The following SUMF2 variants were observed in gnomAD, a reference collection of about 807,000 sequenced individuals.
SUMF2 encodes the protein inactive C-alpha-formylglycine-generating enzyme 2.
In SUMF2, 45 loss-of-function variants were observed where a neutral mutation model predicts 44.8. The ratio of observed to expected loss-of-function variants is 1.00; its 90% CI spans 0.79 to 1.29. The LOEUF is 1.29. Among genes scored for constraint, SUMF2 ranks in the 50% most tolerant of loss-of-function variants. The pLI is 0.00. For missense variants in SUMF2, 418 were observed against 389.9 expected (o/e 1.07, Z -0.61); for synonymous variants, 148 against 150.4 (o/e 0.98, Z 0.12).
intron 3 of SUMF2, 123 bp downstream of exon 3, chr7:56,073,234 A>G (rs1172726256): frequency 1.3e-6 from 1 of 770,602 alleles, no homozygotes; most frequent in Non-Finnish European, 2.3e-6. Flanking sequence ...GCAGAGGGGA[A>G]GCAAGAGAAA....
intron 1 of SUMF2, among the ~76,000 whole-genome samples, chr7:56,066,149 A>C (rs1179345127): frequency 1.3e-5 from 2 of 151,714 alleles, no homozygotes; most frequent in Non-Finnish European, 2.9e-5. Flanking sequence ...CTGAAAATGG[A>C]TGAAATCACT....
chr7:56,066,669 G>A (rs188925625), intron 1 of SUMF2, among the ~76,000 whole-genome samples: 67 of 152,330 alleles, frequency 4.4e-4, no homozygotes, highest in Non-Finnish European at 7.5e-4. Flanking sequence ...CGCCCAGGCC[G>A]GAGTGCAGTG....
intron 2 of SUMF2, among the ~76,000 whole-genome samples, chr7:56,070,226 G>A (rs1795070273): frequency 6.6e-6 from 1 of 151,940 alleles, no homozygotes; most frequent in Non-Finnish European, 1.5e-5. Flanking sequence ...CATTTTAAAA[G>A]CCCAATTTTT....
At chr7:56,082,122 C>G (rs998756099), downstream of SUMF2, 2 of 1,611,648 alleles carry the variant, frequency 1.2e-6, no homozygotes, top group African/African-American at 2.7e-5. Flanking sequence ...TCCTCCCTTG[C>G]CCAGCCTAGC....
At chr7:56,074,831 C>T (rs1795433793) in intron 5 of SUMF2, 95 bp downstream of exon 5, 3 of 1,485,912 alleles carry the variant, frequency 2.0e-6, no homozygotes, top group East Asian at 2.3e-5. Flanking sequence ...GGCGCAGTGG[C>T]TTATGCCTGT....
downstream of SUMF2, chr7:56,083,161 G>T: frequency 3.3e-6 from 3 of 897,156 alleles, no homozygotes; most frequent in Non-Finnish European, 3.4e-6. Flanking sequence ...TTGAAATGGT[G>T]GAATTTTTAT....
At position 56,064,327 on chromosome 7, in the gene SUMF2, TTAC is replaced by T; in HGVS notation, c.17_19del (p.Leu6_Pro7delinsSer). On this transcript the variant is annotated inframe_deletion, in exon 1 of 9. Transcript: ENST00000434526. ...GGCAGTCCTGATGGCCCGGCATGGG[TTAC>T]CGCTGCTGCCCCTGCTGTCGCTCCT... 1 of 1,598,514 alleles carries T rather than the reference TTAC, an allele frequency of 6.3e-7. No individual in the cohort carries two copies. Among genetic ancestry groups the T allele is most frequent in the Non-Finnish European group, 8.5e-7 (1 of 1,173,032 alleles).
intron 6 of SUMF2, among the ~76,000 whole-genome samples, chr7:56,077,322 T>C (rs1795629851): frequency 6.7e-6 from 1 of 148,742 alleles, no homozygotes; most frequent in Non-Finnish European, 1.5e-5. Context: ...GTGCTGGGAT[T>C]ACAGGCATGA....
chr7:56,079,219 T>C, intron 8 of SUMF2: 1 of 529,626 alleles, frequency 1.9e-6, no homozygotes, highest in East Asian at 2.9e-5. Flanking sequence ...ACTGAGCTGT[T>C]GTCAACTGCT....
downstream of SUMF2, chr7:56,084,068 A>AT: frequency 1.3e-6 from 1 of 767,126 alleles, no homozygotes; most frequent in South Asian, 1.6e-5. Flanking sequence ...CCAGGTTCCC[A>AT]TTACCCTAGT....
At chr7:56,086,378 T>C in the SUMF2 span, among the ~76,000 whole-genome samples, 3 of 151,972 alleles carry the variant, frequency 2.0e-5, no homozygotes, top group Non-Finnish European at 4.4e-5. Context: ...AGAACAATTA[T>C]ATCACTATAC....
At chr7:56,083,616 G>C, downstream of SUMF2, 1 of 1,556,996 alleles carries the variant, frequency 6.4e-7, no homozygotes, top group Non-Finnish European at 8.8e-7. Flanking sequence ...AGCCACGTGG[G>C]AGGGAGCGGA....
At chr7:56,084,102 G>T, downstream of SUMF2, 1 of 1,054,766 alleles carries the variant, frequency 9.5e-7, no homozygotes, top group South Asian at 1.4e-5. Flanking sequence ...GGCTAGAAGT[G>T]ACCAGGGAAG....
chr7:56,083,438 C>T (rs1202861715), downstream of SUMF2: 1 of 1,614,120 alleles, frequency 6.2e-7, no homozygotes, highest in Admixed American at 1.7e-5. Context: ...CTCGCATGAT[C>T]TTTCTAGGGT....
the SUMF2 span, among the ~76,000 whole-genome samples, chr7:56,086,377 A>T: frequency 6.6e-6 from 1 of 152,006 alleles, no homozygotes; most frequent in African/African-American, 2.4e-5. Context: ...TAGAACAATT[A>T]TATCACTATA....
chr7:56,067,910 AAGAC>A (rs1354906857), intron 1 of SUMF2, among the ~76,000 whole-genome samples: 1 of 151,732 alleles, frequency 6.6e-6, no homozygotes, highest in Admixed American at 6.6e-5. Context: ...AAAAAAAAAA[AAGAC>A]AAGAAATTGA....
At chr7:56,087,457 A>C in the SUMF2 span, 2,280 of 734,194 alleles carry the variant, frequency 3.1e-3, 4 homozygotes, top group Non-Finnish European at 4.3e-3. Context: ...CCCTTCTATC[A>C]GAGCAGTGAG....
rs146946713 is a variant in SUMF2 at position 56,073,066 on chromosome 7, CTT to C, written c.296_297del (p.Phe99CysfsTer3). The stretch of plus-strand genomic sequence containing the variant: ...TTGGATGGAGCTTTGTCTTTGAGGA[CTT>C]TGTCTCTGATGAGCTGAGAAACAAA... Reference protein sequence around the residue: ...MFGWSFVFEDFVSDELRNKAT... With the variant: ...MFGWSFVFEDXVSDELRNKAT... On this transcript the variant is annotated frameshift_variant, in exon 3 of 9. Coordinates refer to ENST00000434526, the MANE Select transcript of SUMF2 (RefSeq NM_015411.4). LOFTEE classifies it high-confidence loss of function. 2,830 of 1,614,192 alleles carry C rather than the reference CTT, an allele frequency of 1.8e-3. 50 individuals carry two copies. In the African/African-American group the frequency reaches 0.033, roughly 19 times the overall value.
chr7:56,078,513 G>A lies in SUMF2; in HGVS notation c.821+5G>A. 6.4e-7 allele frequency: 1 copy of A among 1,561,074 alleles called. No individual in the cohort carries two copies. The highest frequency in any genetic ancestry group is 8.7e-7 in the Non-Finnish European group (1 of 1,152,930). ...CCGGGCCCGGGTCACCACCAGGTAAGGGGCTTGGTCCCAGGCAACACGGGG... is the reference window on the plus strand; with the variant it reads ...CCGGGCCCGGGTCACCACCAGGTAAAGGGCTTGGTCCCAGGCAACACGGGG... On this transcript the variant is annotated splice_donor_5th_base_variant and intron_variant, in intron 8 of 8. Coordinates refer to ENST00000434526, the MANE Select transcript of SUMF2 (RefSeq NM_015411.4).
Sources: gnomAD v4.1 joint callset for allele counts (sites outside exome capture counted in the v4.1 genomes callset) on GRCh38, gnomAD v4.1.1 for gene constraint, MANE v1.5 for transcripts, NCBI Gene and HGNC (gene_info 2026-07-23, HGNC 2026-07-21) for gene names.